Variants in TMEM163 observed in about 807,000 individuals in gnomAD.
The protein encoded by TMEM163 is transmembrane protein 163.
In TMEM163, 17 loss-of-function variants were observed where a neutral mutation model predicts 29.3. The ratio of observed to expected loss-of-function variants is 0.58; its 90% CI spans 0.40 to 0.87. The LOEUF is 0.87. Ranked by LOEUF, TMEM163 falls within the 40% of genes least tolerant of loss-of-function variation. TMEM163 has a pLI of 0.00. For synonymous variants in TMEM163, 157 were observed against 160.6 expected (o/e 0.98, Z 0.17); for missense variants, 303 against 381.5 (o/e 0.79, Z 1.71).
rs367951199 is a variant in TMEM163, at chr2:134,551,969, T to C, written c.366+79A>G. 3,828 of 1,169,054 alleles carry C rather than the reference T, an allele frequency of 3.3e-3. 116 individuals are homozygous for C. In the South Asian group the frequency reaches 0.047, roughly 14 times the overall value. The allele number at this position is 1,169,054 out of a possible 1,614,324, so 72.4% of individuals were successfully genotyped here. A position where few individuals can be genotyped will look rare whatever the true frequency, so the allele number is the denominator to read the frequency against. On this transcript the variant is annotated intron_variant, in intron 3 of 7. Coordinates refer to ENST00000281924, the MANE Select transcript of TMEM163 (RefSeq NM_030923.5). Reference sequence around the variant, plus strand: ...AGCTCTCATACACTAACCACCCTCATTTGAGGGCTCAGGGTGAGGTTTATG... The same window carrying C: ...AGCTCTCATACACTAACCACCCTCACTTGAGGGCTCAGGGTGAGGTTTATG...
chr2:134,530,252 T>C (rs928529509), intron 4 of TMEM163, among the ~76,000 whole-genome samples: 1 of 152,012 alleles, frequency 6.6e-6, no homozygotes, highest in African/African-American at 2.4e-5. Context: ...AGAAAAAAAA[T>C]GCCCCCTTGA....
chr2:134,665,557 C>T (rs150910788), intron 2 of TMEM163, among the ~76,000 whole-genome samples: 343 of 152,264 alleles, frequency 2.3e-3, no homozygotes, highest in African/African-American at 7.2e-3. Flanking sequence ...TATCTAATGC[C>T]ACCTGGAGGA....
chr2:134,658,076 T>C (rs1408420030), intron 2 of TMEM163, among the ~76,000 whole-genome samples: 3 of 152,180 alleles, frequency 2.0e-5, no homozygotes, highest in African/African-American at 7.2e-5. Context: ...GAAATGAGTA[T>C]CGACTATTTT....
intron 4 of TMEM163, among the ~76,000 whole-genome samples, chr2:134,539,529 C>A (rs540066437): frequency 1.3e-5 from 2 of 152,230 alleles, no homozygotes; most frequent in Non-Finnish European, 2.9e-5. Context: ...TCCCCCTGTA[C>A]CCCACTAAAG....
Position 134,717,049 on chromosome 2 carries a change from C to A in TMEM163, c.202+1685G>T, listed in dbSNP as rs558164859. 4.6e-5 allele frequency among the ~76,000 whole-genome samples: 7 copies of A among 152,232 alleles called. 1 individual carries two copies. Among genetic ancestry groups the A allele is most frequent in the African/African-American group, 1.4e-4 (6 of 41,542 alleles). On this transcript the variant is annotated intron_variant, in intron 1 of 7. Transcript: ENST00000281924. ...AATTCCGTTGACCAGAGAAAAATAA[C>A]CTTAAGAATGAATTCAGAAGGGCTT... is the stretch of plus-strand genomic sequence containing the variant.
At chr2:134,644,051 A>C (rs1271618297) in intron 2 of TMEM163, among the ~76,000 whole-genome samples, 1 of 152,132 alleles carries the variant, frequency 6.6e-6, no homozygotes, top group Non-Finnish European at 1.5e-5. Flanking sequence ...AGGTAAATCT[A>C]ATAAAATGTG....
At chr2:134,636,684 A>G (rs1050163239) in intron 2 of TMEM163, among the ~76,000 whole-genome samples, 3 of 152,236 alleles carry the variant, frequency 2.0e-5, no homozygotes, top group African/African-American at 7.2e-5. Context: ...TAGCCAGAAG[A>G]TTAGAAATTA....
rs1182357146 is a variant in TMEM163, at chr2:134,456,101, T to A, written c.*615A>T. The A allele has an allele frequency of 6.5e-6, 1 of 152,748 alleles. No homozygotes were observed. Among genetic ancestry groups the A allele is most frequent in the Non-Finnish European group, 1.5e-5 (1 of 68,104 alleles). The allele number at this position is 152,748 out of a possible 1,614,324, so 9.5% of individuals were successfully genotyped here. ...ATGTACAAGAAAAGGTCAATGTGCT[T>A]ATTTAATTCGTCCATGCAAAGCTTA... On this transcript the variant is annotated 3_prime_UTR_variant, in exon 8 of 8. Coordinates refer to ENST00000281924, the MANE Select transcript of TMEM163 (RefSeq NM_030923.5).
At chr2:134,650,826 G>A (rs1222597584) in intron 2 of TMEM163, among the ~76,000 whole-genome samples, 1 of 134,654 alleles carries the variant, frequency 7.4e-6, no homozygotes, top group East Asian at 2.0e-4. Context: ...AGTTTACTGA[G>A]AATGATGATT....
intron 2 of TMEM163, among the ~76,000 whole-genome samples, chr2:134,595,127 A>G (rs1271011226): frequency 6.6e-6 from 1 of 151,570 alleles, no homozygotes; most frequent in East Asian, 1.9e-4. Flanking sequence ...TATATTTTTT[A>G]TTACACTTTA....
chr2:134,600,518 C>G (rs1209837281), intron 2 of TMEM163, among the ~76,000 whole-genome samples: 1 of 152,184 alleles, frequency 6.6e-6, no homozygotes, highest in South Asian at 2.1e-4. Flanking sequence ...GCCTGATTCC[C>G]TTTAAGACTT....
intron 2 of TMEM163, among the ~76,000 whole-genome samples, chr2:134,622,406 T>C (rs1682759358): frequency 6.6e-6 from 1 of 152,336 alleles, no homozygotes; most frequent in African/African-American, 2.4e-5. Context: ...TAATTTGCTG[T>C]AATGAAATAT....
chr2:134,532,604 CA>C (rs957251218), intron 4 of TMEM163, among the ~76,000 whole-genome samples: 2 of 152,228 alleles, frequency 1.3e-5, no homozygotes, highest in African/African-American at 4.8e-5. Flanking sequence ...TGCAGAATTG[CA>C]GGTTAATTAT....
intron 2 of TMEM163, among the ~76,000 whole-genome samples, chr2:134,588,257 G>A (rs974288353): frequency 3.3e-5 from 5 of 152,130 alleles, no homozygotes; most frequent in Admixed American, 1.3e-4. Context: ...ACCATTCTCT[G>A]GCAACTCCAA....
chr2:134,611,161 A>C (rs1307275862), intron 2 of TMEM163, among the ~76,000 whole-genome samples: 1 of 152,234 alleles, frequency 6.6e-6, no homozygotes, highest in Non-Finnish European at 1.5e-5. Context: ...ACATCTCTCC[A>C]TTAAAGCTAT....
chr2:134,581,634 C>CT (rs1553482858), intron 2 of TMEM163, among the ~76,000 whole-genome samples: 1 of 151,634 alleles, frequency 6.6e-6, no homozygotes. Context: ...TTTATGGGGG[C>CT]GGGGGGGAGA....
chr2:134,558,386 A>G (rs1456818846), intron 2 of TMEM163, among the ~76,000 whole-genome samples: 5 of 152,234 alleles, frequency 3.3e-5, no homozygotes, highest in Non-Finnish European at 5.9e-5. Flanking sequence ...CTCTCCCAGA[A>G]GCACACACAC....
intron 4 of TMEM163, among the ~76,000 whole-genome samples, chr2:134,516,742 C>CAT (rs10673331): frequency 0.13 from 14,948 of 111,554 alleles, 648 homozygotes; most frequent in South Asian, 0.27. Flanking sequence ...CATATATATG[C>CAT]ATATATATAT....
chr2:134,583,614 G>C (rs969701989), intron 2 of TMEM163, among the ~76,000 whole-genome samples: 1 of 152,146 alleles, frequency 6.6e-6, no homozygotes, highest in Non-Finnish European at 1.5e-5. Flanking sequence ...TGGAGTTCTC[G>C]GAAAAGGGGT....
Sources: gnomAD v4.1 joint callset for allele counts (sites outside exome capture counted in the v4.1 genomes callset) on GRCh38, gnomAD v4.1.1 for gene constraint, MANE v1.5 for transcripts, NCBI Gene and HGNC (gene_info 2026-07-23, HGNC 2026-07-21) for gene names.